The following THSD7A variants were observed in gnomAD, a reference collection of about 807,000 sequenced individuals.
THSD7A encodes the protein thrombospondin type 1 domain containing 7A.
Under a neutral mutation model 231.3 loss-of-function variants are expected in THSD7A, and 96 were observed. The ratio of observed to expected loss-of-function variants is 0.41; its 90% CI spans 0.35 to 0.49. THSD7A has a LOEUF of 0.49. Among genes scored for constraint, THSD7A ranks in the 20% least tolerant of loss-of-function variants. THSD7A has a pLI of 0.05. For synonymous variants in THSD7A, 940 were observed against 743.3 expected (o/e 1.26, Z -4.30); for missense variants, 2,290 against 2,070.2 (o/e 1.11, Z -2.06).
At chr7:11,537,021 C>A (rs1788942354) in intron 6 of THSD7A, among the ~76,000 whole-genome samples, 1 of 151,918 alleles carries the variant, frequency 6.6e-6, no homozygotes, top group African/African-American at 2.4e-5. Context: ...TCTCTTTCCA[C>A]AATGAGTCCT....
chr7:11,397,203 G>T (rs988147722), intron 23 of THSD7A, among the ~76,000 whole-genome samples: 9 of 152,116 alleles, frequency 5.9e-5, no homozygotes, highest in Admixed American at 3.3e-4. Flanking sequence ...CACGGTACTG[G>T]TAGCAAAACA....
intron 1 of THSD7A, among the ~76,000 whole-genome samples, chr7:11,704,597 T>C (rs1780705325): frequency 6.6e-6 from 1 of 150,848 alleles, no homozygotes; most frequent in East Asian, 2.0e-4. Flanking sequence ...TAAAGGAGCA[T>C]TTTTGCCAAG....
chr7:11,492,551 C>T (rs1159691901), intron 6 of THSD7A, among the ~76,000 whole-genome samples: 1 of 151,986 alleles, frequency 6.6e-6, no homozygotes, highest in African/African-American at 2.4e-5. Context: ...CCAGTAAACA[C>T]AGTGTAAAAT....
intron 1 of THSD7A, among the ~76,000 whole-genome samples, chr7:11,789,408 A>G (rs1460390812): frequency 6.6e-6 from 1 of 152,072 alleles, no homozygotes; most frequent in African/African-American, 2.4e-5. Flanking sequence ...GAATGGAAGA[A>G]GGAAAACCAG....
At chr7:11,810,649 C>A (rs1364829675) in intron 1 of THSD7A, among the ~76,000 whole-genome samples, 1 of 152,148 alleles carries the variant, frequency 6.6e-6, no homozygotes, top group Non-Finnish European at 1.5e-5. Flanking sequence ...ACTTTGTCTT[C>A]ACCTCAGATT....
chr7:11,539,537 A>C (rs1339857627), intron 6 of THSD7A, among the ~76,000 whole-genome samples: 1 of 152,240 alleles, frequency 6.6e-6, no homozygotes, highest in Non-Finnish European at 1.5e-5. Context: ...TTTAGGTTAT[A>C]ACATACATTG....
chr7:11,822,677 G>T (rs1784909594), intron 1 of THSD7A, among the ~76,000 whole-genome samples: 1 of 151,936 alleles, frequency 6.6e-6, no homozygotes, highest in South Asian at 2.1e-4. Flanking sequence ...TCATGTAGTG[G>T]ATATTGAGCA....
Position 11,544,615 on chromosome 7 carries a change from G to A in THSD7A, c.1454-1498C>T, listed in dbSNP as rs180675702. ...CTATGTCTGTTTGTAATTTAAACTT[G>A]AAGACAAATTGTAAGCACTTTTACA... On this transcript the variant is annotated intron_variant, in intron 4 of 27. Transcript: ENST00000423059. Among the ~76,000 whole-genome samples the A allele has an allele frequency of 3.9e-3, 589 of 152,246 alleles. 1 individual carries two copies. The highest frequency in any genetic ancestry group is 6.0e-3 in the Admixed American group (92 of 15,304).
chr7:11,559,108 A>G (rs140163821), intron 4 of THSD7A, among the ~76,000 whole-genome samples: 2 of 152,290 alleles, frequency 1.3e-5, no homozygotes, highest in South Asian at 2.1e-4. Context: ...CCAGCTCACA[A>G]TCAGGAAGGA....
At chr7:11,513,751 C>T (rs1221704649) in intron 6 of THSD7A, among the ~76,000 whole-genome samples, 1 of 152,066 alleles carries the variant, frequency 6.6e-6, no homozygotes, top group East Asian at 1.9e-4. Context: ...TACTAAATGC[C>T]ACTGTATTGT....
chr7:11,781,631 T>C (rs563198145), intron 1 of THSD7A, among the ~76,000 whole-genome samples: 23 of 152,330 alleles, frequency 1.5e-4, no homozygotes, highest in African/African-American at 5.5e-4. Flanking sequence ...GGGTTGGTCC[T>C]AAATTAGAAA....
intron 1 of THSD7A, among the ~76,000 whole-genome samples, chr7:11,696,693 A>C (rs182983852): frequency 1.4e-3 from 216 of 151,472 alleles, no homozygotes; most frequent in Non-Finnish European, 1.9e-3. Context: ...GGGACATAAA[A>C]CATGTTTTAA....
At chr7:11,542,897 A>G in intron 5 of THSD7A, 65 bp downstream of exon 5, 1 of 1,515,208 alleles carries the variant, frequency 6.6e-7, no homozygotes, top group Non-Finnish European at 8.9e-7. Context: ...AGAGCATTTT[A>G]AAAATAATTC....
At chr7:11,656,401 T>A (rs1782706901) in intron 1 of THSD7A, among the ~76,000 whole-genome samples, 1 of 151,822 alleles carries the variant, frequency 6.6e-6, no homozygotes, top group Non-Finnish European at 1.5e-5. Flanking sequence ...TCTGCTAAGG[T>A]ACAACGGTCA....
intron 6 of THSD7A, among the ~76,000 whole-genome samples, chr7:11,514,409 A>C (rs1398020401): frequency 2.6e-5 from 4 of 152,210 alleles, no homozygotes; most frequent in Non-Finnish European, 5.9e-5. Context: ...TTGTATATAA[A>C]GTTCCAAAAC....
chr7:11,545,376 A>C (rs544392057), intron 4 of THSD7A, among the ~76,000 whole-genome samples: 1 of 152,206 alleles, frequency 6.6e-6, no homozygotes, highest in African/African-American at 2.4e-5. Flanking sequence ...TTTATTTTAT[A>C]TATAAAGTTG....
Position 11,407,423 on chromosome 7 carries a change from G to C in THSD7A, c.3799C>G (p.Leu1267Val). 6.2e-7 allele frequency: 1 copy of C among 1,609,908 alleles called. No homozygotes were observed. Among genetic ancestry groups the C allele is most frequent in the Middle Eastern group, 1.7e-4 (1 of 6,052 alleles). The change falls in exon 20 of 28, where the codon CTT (leucine) becomes GTT (valine). Residue 1267 changes from leucine to valine, a missense_variant and splice_region_variant. Transcript: ENST00000423059. ...KSVDLKYCEA[L>V]GLEKNWQMNT... ...ATCTGCCAGTTCTTCTCCAAGCCAA[G>C]CTGGAAGAACAGAGGTAGATCAGGA...
At chr7:11,821,160 T>A (rs1335876580) in intron 1 of THSD7A, 3 of 1,129,526 alleles carry the variant, frequency 2.7e-6, no homozygotes, top group Admixed American at 1.8e-5. Flanking sequence ...AGTGTTTATG[T>A]AATGTCATTC....
chr7:11,533,073 A>G (rs751488), intron 6 of THSD7A, among the ~76,000 whole-genome samples: 1 of 152,192 alleles, frequency 6.6e-6, no homozygotes, highest in Admixed American at 6.5e-5. Context: ...TGTGTGAAAA[A>G]CAGTGATGGA....
Sources: allele counts gnomAD v4.1 joint callset (sites outside exome capture counted in the v4.1 genomes callset), GRCh38; gene constraint gnomAD v4.1.1; transcripts MANE v1.5; gene names NCBI Gene and HGNC (gene_info 2026-07-23, HGNC 2026-07-21).